CYP26C1: variants seen among roughly 807,000 people sequenced by gnomAD.
CYP26C1 encodes cytochrome P450 26C1.
Under a neutral mutation model 39.1 loss-of-function variants are expected in CYP26C1, and 41 were observed. That is an observed-to-expected ratio of 1.05 (90% CI 0.82 to 1.36). CYP26C1 has a LOEUF of 1.36. CYP26C1 is among the 40% of genes most tolerant of loss of function. The pLI is 0.00. For synonymous variants in CYP26C1, 362 were observed against 350.8 expected (o/e 1.03, Z -0.36); for missense variants, 833 against 752.0 (o/e 1.11, Z -1.26).
chr10:93,064,666 G>A, intron 4 of CYP26C1, 130 bp downstream of exon 4: 2 of 1,456,950 alleles, frequency 1.4e-6, no homozygotes, highest in Non-Finnish European at 9.0e-7. Flanking sequence ...CAAGATGAGG[G>A]GCAAGAGGAG....
chr10:93,066,556 TC>T (rs1231647817), intron 5 of CYP26C1, among the ~76,000 whole-genome samples: 1 of 152,182 alleles, frequency 6.6e-6, no homozygotes. Flanking sequence ...TGGCAGCGGT[TC>T]GGAACGGTCA....
chr10:93,062,685 A>C (rs966513348), intron 2 of CYP26C1, 35 bp from the exon 3 acceptor site: 2 of 1,390,042 alleles, frequency 1.4e-6, no homozygotes, highest in Admixed American at 3.4e-5. Context: ...ATGAGGCCAG[A>C]CCGCCGCCAG....
At chr10:93,064,160 AG>A (rs531914309) in intron 3 of CYP26C1, 1 of 1,315,922 alleles carries the variant, frequency 7.6e-7, no homozygotes, top group Non-Finnish European at 9.9e-7. Flanking sequence ...TGTGGCTCAG[AG>A]GGGGATTGTG....
intron 3 of CYP26C1, 100 bp from the exon 4 acceptor site, chr10:93,064,281 A>C (rs936574870): frequency 2.0e-6 from 3 of 1,470,136 alleles, no homozygotes; most frequent in South Asian, 2.8e-5. Flanking sequence ...TAACACAAGG[A>C]TGTTGGCAGA....
In CYP26C1 at chr10:93,061,084, T is replaced by A. The variant is rs183729207; in HGVS notation, c.-180T>A. On this transcript the variant is annotated 5_prime_UTR_variant, in exon 1 of 6. Transcript: ENST00000651965. ...AAGGGCGCACGGTCACTGCAGTCTT[T>A]CACCGTCCGTCTGTTTTTAGAACAG... 3.1e-6 allele frequency: 2 copies of A among 645,206 alleles called. No homozygotes were observed. The highest frequency in any genetic ancestry group is 5.9e-5 in the East Asian group (2 of 33,708). The allele number at this position is 645,206 out of a possible 1,614,324, so 40.0% of individuals were successfully genotyped here. A position where few individuals can be genotyped will look rare whatever the true frequency, so the allele number is the denominator to read the frequency against.
In CYP26C1 at chr10:93,067,392, A is replaced by C. The variant is rs551625593; in HGVS notation, c.1192-928A>C. ...GACTCAGACAAAGGTGGATGTTGAG[A>C]AGTGTCTTGAATGCGGAATCAGTCT... is the stretch of plus-strand genomic sequence containing the variant. On this transcript the variant is annotated intron_variant, in intron 5 of 5. Transcript: ENST00000651965. 3.3e-5 allele frequency among the ~76,000 whole-genome samples: 5 copies of C among 152,346 alleles called. No homozygotes were observed. The South Asian group carries it at 1.0e-3, about 32-fold the overall frequency.
intron 4 of CYP26C1, among the ~76,000 whole-genome samples, chr10:93,065,615 T>C (rs1846814881): frequency 6.6e-6 from 1 of 152,112 alleles, no homozygotes; most frequent in South Asian, 2.1e-4. Flanking sequence ...GCAGCAATTG[T>C]GCCTCACAGA....
Position 93,062,223 on chromosome 10 carries a change from C to T in CYP26C1, c.418C>T (p.Arg140Trp), listed in dbSNP as rs1420258965. 9 of 1,522,668 alleles carry T rather than the reference C, an allele frequency of 5.9e-6. No individual in the cohort carries two copies. Among genetic ancestry groups the T allele is most frequent in the Non-Finnish European group, 7.9e-6 (9 of 1,138,958 alleles). The allele number at this position is 1,522,668 out of a possible 1,614,324, so 94.3% of individuals were successfully genotyped here. ...AGGTGCGGTCGGCGAGCCGCACCGGCGGCGGCGCAAGGTGAGTGGAAACGG... is the reference window on the plus strand; with the variant it reads ...AGGTGCGGTCGGCGAGCCGCACCGGTGGCGGCGCAAGGTGAGTGGAAACGG... ...LLGAVGEPHR[R>W]RRKVLARVFS... Residue 140 changes from arginine (R) to tryptophan (W), a missense_variant, in exon 2 of 6, where the codon CGG becomes TGG. Coordinates refer to ENST00000651965, the MANE Select transcript of CYP26C1 (RefSeq NM_183374.3).
At chr10:93,064,916 AAGGG>A (rs1846804859) in intron 4 of CYP26C1, among the ~76,000 whole-genome samples, 1 of 152,068 alleles carries the variant, frequency 6.6e-6, no homozygotes, top group African/African-American at 2.4e-5. Context: ...TAGAAACTCT[AAGGG>A]GCTCAGGATC....
chr10:93,061,057 C>T lies in CYP26C1; in HGVS notation c.-207C>T. ...GCCGGCCTCGAGGAAGGCACGTTCCCTAAGGGCGCACGGTCACTGCAGTCT... is the reference window on the plus strand; with the variant it reads ...GCCGGCCTCGAGGAAGGCACGTTCCTTAAGGGCGCACGGTCACTGCAGTCT... On this transcript the variant is annotated 5_prime_UTR_variant, in exon 1 of 6. Coordinates refer to ENST00000651965, the MANE Select transcript of CYP26C1 (RefSeq NM_183374.3). 4 of 566,828 alleles carry T rather than the reference C, an allele frequency of 7.1e-6. No individual in the cohort carries two copies. The highest frequency in any genetic ancestry group is 9.1e-6 in the Non-Finnish European group (3 of 331,468). 35.1% of individuals were successfully genotyped at this position (566,828 alleles called of 1,614,324 possible). A position where few individuals can be genotyped will look rare whatever the true frequency, so the allele number is the denominator to read the frequency against.
In CYP26C1 at chr10:93,064,473, C is replaced by T; in HGVS notation, c.798C>T (p.Ala266=). ...ACAAGGCTGCAGAGCCGGGTGATGCCCTCGACCTAATCATTCACAGTGCAA... is the reference window on the plus strand; with the variant it reads ...ACAAGGCTGCAGAGCCGGGTGATGCTCTCGACCTAATCATTCACAGTGCAA... ...HEDKAAEPGD[A]LDLIIHSARE... is the part of the protein sequence containing the mutation. The change falls in exon 4 of 6, where the codon GCC becomes GCT. Residue 266 remains alanine (A), a synonymous_variant. Transcript: ENST00000651965. The T allele has an allele frequency of 6.2e-7, 1 of 1,614,126 alleles. No homozygotes were observed. Among genetic ancestry groups the T allele is most frequent in the East Asian group, 2.2e-5 (1 of 44,876 alleles).
In CYP26C1 at chr10:93,068,431, G is replaced by T. The variant is rs768932027; in HGVS notation, c.1303G>T (p.Ala435Ser). 1.1e-5 allele frequency: 18 copies of T among 1,612,020 alleles called. No individual in the cohort carries two copies. In the East Asian group the frequency reaches 3.1e-4, roughly 28 times the overall value. ...AGGCTTCGATCCAGAGCGCTTCGGC[G>T]CAGCGCGCGAAGATTCCCGGGGCGC... ...PEGFDPERFG[A>S]AREDSRGASS... is the part of the protein sequence containing the mutation. Residue 435 changes from alanine to serine, a missense_variant, in exon 6 of 6, where the codon GCA becomes TCA. Physicochemically the swap from Ala to Ser is moderately conservative, Grantham distance 99. Transcript: ENST00000651965.
chr10:93,066,335 GCCGCC>G (rs1846828377), intron 5 of CYP26C1, 50 bp downstream of exon 5: 2 of 1,228,726 alleles, frequency 1.6e-6, no homozygotes, highest in South Asian at 3.2e-5. Flanking sequence ...CCTGCCGCCT[GCCGCC>G]TGCCGCCTGC....
intron 3 of CYP26C1, chr10:93,063,491 T>C: frequency 1.0e-6 from 1 of 986,768 alleles, no homozygotes; most frequent in Non-Finnish European, 1.2e-6. Context: ...ACCCGCTAGG[T>C]TTCGGGATCA....
chr10:93,068,223 C>T (rs1022897860), intron 5 of CYP26C1, 97 bp from the exon 6 acceptor site: 7 of 1,390,618 alleles, frequency 5.0e-6, no homozygotes, highest in Non-Finnish European at 6.6e-6. Flanking sequence ...TCCTGGTTTT[C>T]GGAAGCCTGA....
At chr10:93,067,495 A>T (rs1233867859) in intron 5 of CYP26C1, among the ~76,000 whole-genome samples, 2 of 152,188 alleles carry the variant, frequency 1.3e-5, no homozygotes, top group African/African-American at 2.4e-5. Context: ...GGTGGTGAGC[A>T]GAGGACAGGA....
chr10:93,061,538 G>A, intron 1 of CYP26C1, 71 bp downstream of exon 1: 1 of 1,510,454 alleles, frequency 6.6e-7, no homozygotes, highest in Non-Finnish European at 9.0e-7. Context: ...ACCCTCCTCA[G>A]TCTCAATGCC....
Position 93,066,220 on chromosome 10 carries a change from G to T in CYP26C1, c.1126G>T (p.Val376Leu). 1 of 1,477,500 alleles carries T rather than the reference G, an allele frequency of 6.8e-7. No individual in the cohort carries two copies. Among genetic ancestry groups the T allele is most frequent in the Non-Finnish European group, 9.0e-7 (1 of 1,117,250 alleles). 91.5% of individuals were successfully genotyped at this position (1,477,500 alleles called of 1,614,324 possible). The change falls in exon 5 of 6, where the codon GTG (valine) becomes TTG (leucine). Residue 376 changes from valine to leucine, a missense_variant. By Grantham distance (32) the Val-to-Leu change is conservative. Transcript: ENST00000651965. Reference protein sequence around the residue: ...LRYVDCVVKEVLRLLPPVSGG... With the variant: ...LRYVDCVVKELLRLLPPVSGG... Reference sequence around the variant, plus strand: ...CTACGTCGACTGCGTGGTCAAGGAGGTGCTGCGCCTCCTGCCGCCAGTGTC... The same window carrying T: ...CTACGTCGACTGCGTGGTCAAGGAGTTGCTGCGCCTCCTGCCGCCAGTGTC...
At chr10:93,066,420 C>A in intron 5 of CYP26C1, 135 bp downstream of exon 5, 1 of 817,138 alleles carries the variant, frequency 1.2e-6, no homozygotes, top group Non-Finnish European at 1.6e-6. Flanking sequence ...CCTCTTTTGC[C>A]CTCAGAGCCT....
Sources: gnomAD v4.1 joint callset for allele counts (sites outside exome capture counted in the v4.1 genomes callset) on GRCh38, gnomAD v4.1.1 for gene constraint, MANE v1.5 for transcripts, NCBI Gene and HGNC (gene_info 2026-07-23, HGNC 2026-07-21) for gene names.